Variants in BICC1 observed in about 807,000 individuals in gnomAD.
The protein encoded by BICC1 is BicC family RNA binding protein 1, also known as protein bicaudal C homolog 1.
BICC1 carries 43 observed loss-of-function variants against 111.0 expected under a neutral mutation model. The observed-to-expected ratio is 0.39, with a 90% CI of 0.30 to 0.50. The LOEUF is 0.50. Ranked by LOEUF, BICC1 falls within the 20% of genes least tolerant of loss-of-function variation. The probability of loss-of-function intolerance (pLI) is 0.88; values close to 1 mark genes in which losing one functional copy is unlikely to be tolerated. For synonymous variants in BICC1, 467 were observed against 434.4 expected (o/e 1.07, Z -0.93); for missense variants, 1,091 against 1,203.2 (o/e 0.91, Z 1.38).
intron 2 of BICC1, among the ~76,000 whole-genome samples, chr10:58,625,460 G>GT (rs199878026): frequency 1.7e-3 from 258 of 151,226 alleles, no homozygotes; most frequent in African/African-American, 5.2e-3. Context: ...TGAAAGCCAG[G>GT]TTTTTTTTTG....
At chr10:58,765,605 G>T (rs1056232878) in intron 3 of BICC1, among the ~76,000 whole-genome samples, 64 of 152,232 alleles carry the variant, frequency 4.2e-4, no homozygotes, top group African/African-American at 1.5e-3. Context: ...CTGTCAAGAC[G>T]GGAGAATCCC....
intron 3 of BICC1, among the ~76,000 whole-genome samples, chr10:58,746,086 T>C (rs934150503): frequency 4.1e-4 from 63 of 152,132 alleles, no homozygotes; most frequent in African/African-American, 1.5e-3. Context: ...ATTTGTCATA[T>C]TTTTGTAGCA....
chr10:58,696,452 T>G (rs1282321320), intron 2 of BICC1, among the ~76,000 whole-genome samples: 1 of 152,212 alleles, frequency 6.6e-6, no homozygotes, highest in Non-Finnish European at 1.5e-5. Context: ...ATTCATCAAA[T>G]CTGATATTAC....
intron 1 of BICC1, among the ~76,000 whole-genome samples, chr10:58,543,267 A>T (rs1330189270): frequency 6.6e-6 from 1 of 152,148 alleles, no homozygotes; most frequent in Non-Finnish European, 1.5e-5. Flanking sequence ...CCAGTCACAG[A>T]CACATACCAC....
chr10:58,747,379 C>A (rs1841864038), intron 3 of BICC1, among the ~76,000 whole-genome samples: 1 of 151,838 alleles, frequency 6.6e-6, no homozygotes, highest in African/African-American at 2.4e-5. Context: ...ACTTTAAGAC[C>A]AACTTAAATA....
chr10:58,688,903 T>C (rs1218464590), intron 2 of BICC1, among the ~76,000 whole-genome samples: 1 of 152,014 alleles, frequency 6.6e-6, no homozygotes, highest in Non-Finnish European at 1.5e-5. Flanking sequence ...AGGGGAGGGA[T>C]AGCATTAGGA....
Position 58,803,142 on chromosome 10 carries a change from AG to A in BICC1, c.2083del (p.Ala695LeufsTer43). ...ACCGAAAGCCCTTTGGCTGACAAGA[AG>A]GCTCCAGGGAGTGAGCGCGCTGCAG... Reference protein sequence around the residue: ...SATESPLADKKAPGSERAAER... With the variant: ...SATESPLADKXAPGSERAAER... On this transcript the variant is annotated frameshift_variant, in exon 15 of 21. Coordinates refer to ENST00000373886, the MANE Select transcript of BICC1 (RefSeq NM_001080512.3). LOFTEE classifies it high-confidence loss of function. The A allele has an allele frequency of 6.2e-7, 1 of 1,610,616 alleles. No homozygotes were observed.
intron 1 of BICC1, among the ~76,000 whole-genome samples, chr10:58,519,677 A>T (rs1424167414): frequency 6.6e-6 from 1 of 152,066 alleles, no homozygotes; most frequent in African/African-American, 2.4e-5. Context: ...GGCTCCCTAG[A>T]ATTTCTTTCT....
chr10:58,788,799 T>G (rs72804424), intron 6 of BICC1, among the ~76,000 whole-genome samples: 146 of 152,312 alleles, frequency 9.6e-4, no homozygotes, highest in Non-Finnish European at 1.7e-3. Context: ...TTAAAAACAC[T>G]TGTAGGCCAG....
chr10:58,761,849 G>A (rs1304788075), intron 3 of BICC1, among the ~76,000 whole-genome samples: 1 of 152,078 alleles, frequency 6.6e-6, no homozygotes, highest in African/African-American at 2.4e-5. Context: ...GAGCTGAGAA[G>A]TTCCTATCCA....
intron 1 of BICC1, among the ~76,000 whole-genome samples, chr10:58,577,292 G>A (rs973794635): frequency 2.6e-5 from 4 of 152,152 alleles, no homozygotes; most frequent in African/African-American, 9.7e-5. Flanking sequence ...TTGTTTAAGG[G>A]CACCAACTAG....
Position 58,513,086 on chromosome 10 carries a change from G to C in BICC1, c.-58G>C. The C allele has an allele frequency of 7.9e-7, 1 of 1,263,052 alleles. No homozygotes were observed. The allele number at this position is 1,263,052 out of a possible 1,614,324, so 78.2% of individuals were successfully genotyped here. A position where few individuals can be genotyped will look rare whatever the true frequency, so the allele number is the denominator to read the frequency against. On this transcript the variant is annotated 5_prime_UTR_variant, in exon 1 of 21. Transcript: ENST00000373886. ...CAGTTGAGCCCGGCCGGCGAGCGGA[G>C]GCGGCAGCGCAGGCAGAGCGGCGGC...
chr10:58,812,807 A>T (rs1038707151), intron 17 of BICC1, among the ~76,000 whole-genome samples: 7 of 152,142 alleles, frequency 4.6e-5, no homozygotes, highest in African/African-American at 1.7e-4. Flanking sequence ...CAGAGAAATC[A>T]AATCTGGAGT....
intron 2 of BICC1, among the ~76,000 whole-genome samples, chr10:58,621,605 G>T (rs1845809753): frequency 6.6e-6 from 1 of 152,082 alleles, no homozygotes; most frequent in South Asian, 2.1e-4. Context: ...TTGAGTCCAG[G>T]AATCAAAGAC....
intron 2 of BICC1, among the ~76,000 whole-genome samples, chr10:58,680,186 C>T (rs1839473706): frequency 6.6e-6 from 1 of 152,084 alleles, no homozygotes. Flanking sequence ...GGCAATCAGG[C>T]AAGAGAAAGA....
chr10:58,592,179 T>C (rs369209474), intron 1 of BICC1, among the ~76,000 whole-genome samples: 2 of 152,240 alleles, frequency 1.3e-5, no homozygotes, highest in African/African-American at 2.4e-5. Flanking sequence ...TTTTTTGTTA[T>C]GTGTTGTGAT....
chr10:58,759,865 A>G (rs1210073451), intron 3 of BICC1, among the ~76,000 whole-genome samples: 2 of 151,310 alleles, frequency 1.3e-5, no homozygotes, highest in Admixed American at 1.3e-4. Flanking sequence ...AGGCTGAGGC[A>G]GGGGAATGGC....
chr10:58,664,126 A>C (rs896765059), intron 2 of BICC1, among the ~76,000 whole-genome samples: 1 of 152,168 alleles, frequency 6.6e-6, no homozygotes, highest in Non-Finnish European at 1.5e-5. Context: ...TTCACTTTCT[A>C]AGAAAGTGCC....
At chr10:58,813,550 G>A (rs1417577223) in intron 17 of BICC1, among the ~76,000 whole-genome samples, 3 of 152,016 alleles carry the variant, frequency 2.0e-5, no homozygotes, top group African/African-American at 7.2e-5. Flanking sequence ...TTTATAGAAG[G>A]GATTATTTAT....
Sources: allele counts gnomAD v4.1 joint callset (sites outside exome capture counted in the v4.1 genomes callset), GRCh38; gene constraint gnomAD v4.1.1; transcripts MANE v1.5; gene names NCBI Gene and HGNC (gene_info 2026-07-23, HGNC 2026-07-21).